Variants in ERVK3-1 observed in about 807,000 individuals in gnomAD.
The protein encoded by ERVK3-1 is HERV-K(HML6-1).
chr19:58,315,000 C>T (rs551884462), exon 4 of ERVK3-1: 68 of 381,666 alleles, frequency 1.8e-4, no homozygotes, highest in African/African-American at 1.2e-3. Flanking sequence ...TCCCAGGTCC[C>T]GTGCTCCTTG....
chr19:58,308,472 C>A (rs999786014), intron 2 of ERVK3-1, among the ~76,000 whole-genome samples: 1 of 152,198 alleles, frequency 6.6e-6, no homozygotes, highest in African/African-American at 2.4e-5. Context: ...TGCAAATATA[C>A]GTGTTAATCT....
chr19:58,310,882 T>C lies in ERVK3-1; in HGVS notation c.-3-1284T>C. The C allele has an allele frequency of 2.5e-6, 1 of 405,688 alleles. No homozygotes were observed. The highest frequency in any genetic ancestry group is 1.7e-5 in the South Asian group (1 of 57,450). The allele number at this position is 405,688 out of a possible 1,614,324, so 25.1% of individuals were successfully genotyped here. A position where few individuals can be genotyped will look rare whatever the true frequency, so the allele number is the denominator to read the frequency against. ...GTAGCGGGTGTTGTTCCTTGACACTTTTCGCTACCGCTAGACCACGGTCTT... is the reference window on the plus strand; with the variant it reads ...GTAGCGGGTGTTGTTCCTTGACACTCTTCGCTACCGCTAGACCACGGTCTT... On this transcript the variant is annotated intron_variant, in intron 2 of 3. Coordinates refer to ENST00000413518, the Ensembl canonical transcript of ERVK3-1. This position sits in a 1 kb window ranked among gnomAD's most constrained non-coding sequence, Gnocchi z 4.7.
At chr19:58,307,304 G>A (rs532329250) in intron 2 of ERVK3-1, among the ~76,000 whole-genome samples, 158 of 152,314 alleles carry the variant, frequency 1.0e-3, no homozygotes, top group Non-Finnish European at 2.0e-3. Context: ...CTGCTCCTGC[G>A]AAAATGCTTA....
At chr19:58,308,618 C>T (rs550161838) in intron 2 of ERVK3-1, among the ~76,000 whole-genome samples, 55 of 152,244 alleles carry the variant, frequency 3.6e-4, no homozygotes, top group African/African-American at 1.3e-3. Context: ...AGGGAAACCC[C>T]GGTCCGGTAT....
In ERVK3-1 at chr19:58,312,920, A is replaced by G. The variant is rs1204895230; in HGVS notation, c.294+458A>G. ...ACAACAGTCTATGTTAATGGGAAAC[A>G]TTGACTGGGGTCCCCGTGGCCATTT... is the stretch of plus-strand genomic sequence containing the variant. On this transcript the variant is annotated intron_variant, in intron 3 of 3. Coordinates refer to ENST00000413518, the Ensembl canonical transcript of ERVK3-1. The surrounding 1 kb of genome is among the most constrained non-coding windows in gnomAD (Gnocchi z 4.7). 2 of 152,890 alleles carry G rather than the reference A, an allele frequency of 1.3e-5. No homozygotes were observed. The highest frequency in any genetic ancestry group is 2.1e-4 in the South Asian group (1 of 4,834). The allele number at this position is 152,890 out of a possible 1,614,324, so 9.5% of individuals were successfully genotyped here. A position where few individuals can be genotyped will look rare whatever the true frequency, so the allele number is the denominator to read the frequency against.
At chr19:58,316,186 C>T (rs947424419), downstream of ERVK3-1, among the ~76,000 whole-genome samples, 8 of 152,078 alleles carry the variant, frequency 5.3e-5, no homozygotes, top group East Asian at 1.4e-3. Context: ...CTTCATTCCA[C>T]TGCCCTGCCT....
In ERVK3-1 at chr19:58,313,537, C is replaced by T. The variant is rs374506534; in HGVS notation, c.294+1075C>T. On this transcript the variant is annotated intron_variant, in intron 3 of 3. Coordinates refer to ENST00000413518, the Ensembl canonical transcript of ERVK3-1. The surrounding 1 kb of genome is among the most constrained non-coding windows in gnomAD (Gnocchi z 4.5). ...TGAATTCCTGACCTCGTGATCCACC[C>T]GCCTTGGCTTCCCAAAGTGCTGGGA... Among the ~76,000 whole-genome samples the T allele has an allele frequency of 1.3e-5, 2 of 152,170 alleles. No individual in the cohort carries two copies. The highest frequency in any genetic ancestry group is 1.5e-5 in the Non-Finnish European group (1 of 68,022).
intron 2 of ERVK3-1, among the ~76,000 whole-genome samples, chr19:58,308,586 A>G (rs905924641): frequency 2.0e-5 from 3 of 152,222 alleles, no homozygotes; most frequent in Admixed American, 2.0e-4. Flanking sequence ...TCAGAGTGGG[A>G]AAGGCTTGGG....
Position 58,313,848 on chromosome 19 carries a change from G to A in ERVK3-1, c.295-900G>A, listed in dbSNP as rs528080314. On this transcript the variant is annotated intron_variant, in intron 3 of 3. Transcript: ENST00000413518. This position sits in a 1 kb window ranked among gnomAD's most constrained non-coding sequence, Gnocchi z 4.5. ...CTCCTTCTTACCCAGCTCACTCATC[G>A]TGCACGTAAAGCCTTAAACATAGTA... 4.6e-5 allele frequency among the ~76,000 whole-genome samples: 7 copies of A among 152,282 alleles called. No individual in the cohort carries two copies. Among genetic ancestry groups the A allele is most frequent in the East Asian group, 1.9e-4 (1 of 5,190 alleles).
At position 58,312,184 on chromosome 19, in the gene ERVK3-1, G is replaced by C. The variant is rs1489897497; in HGVS notation, c.16G>C (p.Gly6Arg). ...TTTACAGGAGATGGACAAACCGTGT[G>C]GGTGCCCTCCAGGTGTGTGTGACCA... Residue 6 changes from glycine to arginine, a missense_variant, in exon 3 of 4, where the codon GGG becomes CGG. Physicochemically the swap from Gly to Arg is moderately radical, Grantham distance 125. Transcript: ENST00000413518. The surrounding 1 kb of genome is among the most constrained non-coding windows in gnomAD (Gnocchi z 4.7). 1 of 400,066 alleles carries C rather than the reference G, an allele frequency of 2.5e-6. No homozygotes were observed. The highest frequency in any genetic ancestry group is 4.4e-6 in the Non-Finnish European group (1 of 226,096). The allele number at this position is 400,066 out of a possible 1,614,324, so 24.8% of individuals were successfully genotyped here.
At chr19:58,308,905 A>G (rs1247979000) in intron 2 of ERVK3-1, 1 of 152,254 alleles carries the variant, frequency 6.6e-6, no homozygotes, top group East Asian at 1.9e-4. Context: ...CAACTGCTGC[A>G]TAATTTGAGA....
chr19:58,316,291 C>T (rs79160995), downstream of ERVK3-1, among the ~76,000 whole-genome samples: 110 of 152,282 alleles, frequency 7.2e-4, no homozygotes, highest in African/African-American at 2.6e-3. Flanking sequence ...TAGAGAGGGT[C>T]TTTTACCCCT....
rs1206792338 is a variant in ERVK3-1, at chr19:58,313,368, C to T, written c.294+906C>T. Among the ~76,000 whole-genome samples, 2 of 152,130 alleles carry T rather than the reference C, an allele frequency of 1.3e-5. No individual in the cohort carries two copies. The highest frequency in any genetic ancestry group is 2.9e-5 in the Non-Finnish European group (2 of 68,038). On this transcript the variant is annotated intron_variant, in intron 3 of 3. Transcript: ENST00000413518. The surrounding 1 kb of genome is among the most constrained non-coding windows in gnomAD (Gnocchi z 4.5). ...GTGGCGCAATCTCGGGTCACTGCAACCTTTGCCTCCCGGGTTCAAGCAATT... is the reference window on the plus strand; with the variant it reads ...GTGGCGCAATCTCGGGTCACTGCAATCTTTGCCTCCCGGGTTCAAGCAATT...
intron 2 of ERVK3-1, among the ~76,000 whole-genome samples, chr19:58,308,095 T>C (rs1261774938): frequency 6.6e-6 from 1 of 152,178 alleles, no homozygotes. Flanking sequence ...GATCTTTGGG[T>C]TTTTAAACCT....
chr19:58,306,602 C>T (rs1321301265), intron 2 of ERVK3-1: 3 of 152,248 alleles, frequency 2.0e-5, no homozygotes, highest in Non-Finnish European at 2.9e-5. Flanking sequence ...TTGAAAGAAT[C>T]TTTTGTCTCA....
At chr19:58,314,626 CAAAAAAAAAAAAA>C (rs58275693) in intron 3 of ERVK3-1, 109 bp from the exon 4 acceptor site, 4 of 58,982 alleles carry the variant, frequency 6.8e-5, no homozygotes, top group Non-Finnish European at 1.5e-4. Flanking sequence ...GACTCCATCT[CAAAAAAAAAAAAA>C]AAAAAAAAAA....
exon 4 of ERVK3-1, chr19:58,314,887 T>TGGA: frequency 2.5e-6 from 1 of 397,752 alleles, no homozygotes; most frequent in Non-Finnish European, 4.5e-6. Context: ...AGTATACCAC[T>TGGA]GGAGGCTCTG....
rs1170236048 is a variant in ERVK3-1, at chr19:58,312,817, T to C, written c.294+355T>C. On this transcript the variant is annotated intron_variant, in intron 3 of 3. Transcript: ENST00000413518. The surrounding 1 kb of genome is among the most constrained non-coding windows in gnomAD (Gnocchi z 4.7). ...ACTCCTAGCCCCATCACTCAAATTG[T>C]ATGGATTATATGGAATGGGCTCCCT... Among the ~76,000 whole-genome samples the C allele has an allele frequency of 6.6e-6, 1 of 152,216 alleles. No individual in the cohort carries two copies. Among genetic ancestry groups the C allele is most frequent in the Non-Finnish European group, 1.5e-5 (1 of 68,032 alleles).
chr19:58,311,288 G>A (rs2051555229), intron 2 of ERVK3-1: 1 of 152,156 alleles, frequency 6.6e-6, no homozygotes, highest in East Asian at 1.9e-4. Context: ...ACCTATTTCT[G>A]AGACTCCAAA....
Sources: allele counts gnomAD v4.1 joint callset (sites outside exome capture counted in the v4.1 genomes callset), GRCh38; gene constraint gnomAD v4.1.1; non-coding constraint Gnocchi (gnomAD v3.1); transcripts MANE v1.5; gene names NCBI Gene and HGNC (gene_info 2026-07-23, HGNC 2026-07-21).